The following RYR2 variants were observed in gnomAD, a reference collection of about 807,000 sequenced individuals.
The protein encoded by RYR2 is ryanodine receptor 2, also known as cardiac muscle ryanodine receptor-calcium release channel.
A neutral mutation model predicts 601.1 loss-of-function variants in RYR2; 227 were observed. The observed-to-expected ratio is 0.38, with a 90% CI of 0.34 to 0.42. RYR2 has a LOEUF of 0.42. Among genes scored for constraint, RYR2 ranks in the 10% least tolerant of loss-of-function variants. RYR2 has a pLI of 1.00. For missense variants in RYR2, 4,646 were observed against 6,156.5 expected (o/e 0.75, Z 8.21); for synonymous variants, 2,223 against 2,175.1 (o/e 1.02, Z -0.61).
At chr1:237,307,019 T>A (rs1295168315) in intron 2 of RYR2, among the ~76,000 whole-genome samples, 2 of 152,222 alleles carry the variant, frequency 1.3e-5, no homozygotes, top group African/African-American at 2.4e-5. Context: ...AAGAAAACTG[T>A]AATACCTCGA....
intron 17 of RYR2, among the ~76,000 whole-genome samples, chr1:237,491,426 G>A (rs1002028895): frequency 4.6e-5 from 7 of 152,134 alleles, no homozygotes; most frequent in Admixed American, 2.6e-4. Context: ...TATGCCCCAC[G>A]TTCAAGACTT....
At chr1:237,258,001 T>C (rs751377431) in intron 1 of RYR2, among the ~76,000 whole-genome samples, 10 of 151,390 alleles carry the variant, frequency 6.6e-5, no homozygotes, top group Non-Finnish European at 1.2e-4. Flanking sequence ...CTGTCTCTAC[T>C]AAAAATACAA....
intron 84 of RYR2, among the ~76,000 whole-genome samples, chr1:237,763,602 A>C (rs1464458): frequency 6.6e-6 from 1 of 152,306 alleles, no homozygotes; most frequent in Admixed American, 6.5e-5. Context: ...AATTCAAAGT[A>C]GTTTCTGAAA....
rs35946100 is a variant in RYR2 at position 237,153,599 on chromosome 1, A to ATT, written c.48+111039_48+111040dup. 1.5e-3 allele frequency among the ~76,000 whole-genome samples: 231 copies of ATT among 149,312 alleles called. 1 individual carries two copies. In the Middle Eastern group the frequency reaches 0.017, roughly 11 times the overall value. ...AGTCTGGGGGATGTGTATGTGTAGC[A>ATT]TTTTTTTTTTGCAGGGATAGTTGTT... On this transcript the variant is annotated intron_variant, in intron 1 of 104. Transcript: ENST00000366574.
chr1:237,240,312 C>T (rs1272664989), intron 1 of RYR2, among the ~76,000 whole-genome samples: 1 of 152,064 alleles, frequency 6.6e-6, no homozygotes, highest in East Asian at 1.9e-4. Context: ...CTGAATATTC[C>T]ATAATCCCTC....
At chr1:237,146,884 G>T (rs1054237963) in intron 1 of RYR2, among the ~76,000 whole-genome samples, 2 of 152,084 alleles carry the variant, frequency 1.3e-5, no homozygotes, top group African/African-American at 4.8e-5. Flanking sequence ...TTTCTTTCTG[G>T]TTAAAAGTTA....
At chr1:237,365,633 A>G (rs1467399493) in intron 5 of RYR2, among the ~76,000 whole-genome samples, 1 of 152,192 alleles carries the variant, frequency 6.6e-6, no homozygotes, top group Non-Finnish European at 1.5e-5. Context: ...AAATAGGAAT[A>G]TTTCCTCTCT....
At chr1:237,683,012 A>G (rs555012598) in intron 62 of RYR2, among the ~76,000 whole-genome samples, 54 of 152,366 alleles carry the variant, frequency 3.5e-4, no homozygotes, top group Admixed American at 6.5e-4. Context: ...GGAGATGAGT[A>G]TAATACTTTC....
Position 237,303,248 on chromosome 1 carries a change from T to C in RYR2, c.169-27630T>C, listed in dbSNP as rs142840894. 5.1e-4 allele frequency among the ~76,000 whole-genome samples: 77 copies of C among 151,978 alleles called. No homozygotes were observed. In the East Asian group the frequency reaches 0.015, roughly 29 times the overall value. The stretch of plus-strand genomic sequence containing the variant: ...ATTAAAGTTCTAAAGGGTATATGTG[T>C]TAATAATTTATATCTATTCATATGA... On this transcript the variant is annotated intron_variant, in intron 2 of 104. Coordinates refer to ENST00000366574, the MANE Select transcript of RYR2 (RefSeq NM_001035.3).
At chr1:237,604,984 A>T (rs1490757965) in intron 35 of RYR2, among the ~76,000 whole-genome samples, 1 of 152,172 alleles carries the variant, frequency 6.6e-6, no homozygotes, top group Non-Finnish European at 1.5e-5. Flanking sequence ...GCCGAATTCT[A>T]CCAGAGGTAC....
intron 18 of RYR2, 75 bp from the exon 19 acceptor site, chr1:237,492,879 G>A: frequency 1.4e-6 from 2 of 1,424,598 alleles, no homozygotes; most frequent in South Asian, 1.3e-5. Context: ...AAGAAGGGAA[G>A]GAAGGAAGGG....
intron 10 of RYR2, among the ~76,000 whole-genome samples, chr1:237,409,553 T>G (rs1376153309): frequency 1.3e-5 from 2 of 152,266 alleles, no homozygotes; most frequent in East Asian, 3.9e-4. Flanking sequence ...ACATTCCTTT[T>G]GAAATAAAAA....
chr1:237,714,367 GAT>G (rs1689085028), intron 71 of RYR2, among the ~76,000 whole-genome samples: 1 of 152,186 alleles, frequency 6.6e-6, no homozygotes, highest in Non-Finnish European at 1.5e-5. Context: ...GAAAGAAACT[GAT>G]AGGATAGTCA....
In RYR2 at chr1:237,832,614, C is replaced by T. The variant is rs752034170; in HGVS notation, c.14871C>T (p.Cys4957=). ...RCWEFFPAGD[C]FRKQYEDQLN ...GGGAATTTTTCCCAGCAGGGGATTG[C>T]TTCCGGAAACAGTATGAAGACCAGC... The change falls in exon 105 of 105, where the codon TGC becomes TGT. Residue 4957 remains cysteine, a synonymous_variant. Transcript: ENST00000366574. 10 of 1,611,962 alleles carry T rather than the reference C, an allele frequency of 6.2e-6. No homozygotes were observed. The East Asian group carries it at 1.6e-4, about 25-fold the overall frequency.
At chr1:237,519,792 T>A (rs1666914469) in intron 24 of RYR2, among the ~76,000 whole-genome samples, 1 of 152,178 alleles carries the variant, frequency 6.6e-6, no homozygotes, top group Non-Finnish European at 1.5e-5. Flanking sequence ...AATTTTAGGA[T>A]TGTTTTTCCC....
At chr1:237,712,750 A>G (rs1688950678) in intron 71 of RYR2, among the ~76,000 whole-genome samples, 1 of 152,216 alleles carries the variant, frequency 6.6e-6, no homozygotes, top group Admixed American at 6.5e-5. Context: ...GTATCTTTCC[A>G]GATTTTTGTT....
At chr1:237,179,962 G>A (rs1324599155) in intron 1 of RYR2, among the ~76,000 whole-genome samples, 2 of 152,076 alleles carry the variant, frequency 1.3e-5, no homozygotes, top group South Asian at 2.1e-4. Flanking sequence ...AGCCGGAAGC[G>A]CAGAGCAAGG....
chr1:237,742,290 A>T lies in RYR2; in HGVS notation c.11092-6A>T, dbSNP rs397516501. The T allele has an allele frequency of 4.8e-5, 73 of 1,516,312 alleles. 1 individual carries two copies. The African/African-American group carries it at 9.2e-4, about 19-fold the overall frequency. 93.9% of individuals were successfully genotyped at this position (1,516,312 alleles called of 1,614,324 possible). On this transcript the variant is annotated splice_region_variant and splice_polypyrimidine_tract_variant and intron_variant, in intron 79 of 104. Coordinates refer to ENST00000366574, the MANE Select transcript of RYR2 (RefSeq NM_001035.3). ...GTCTCCTTTTTTTTTTTTTTTAAAT[A>T]TACAGAGTTGTCATGATGAGGAAGA...
chr1:237,193,693 C>T (rs1338076423), intron 1 of RYR2, among the ~76,000 whole-genome samples: 3 of 152,126 alleles, frequency 2.0e-5, no homozygotes, highest in African/African-American at 7.2e-5. Context: ...ATGTAACTCA[C>T]ATTTCTTATT....
Sources: allele counts gnomAD v4.1 joint callset (sites outside exome capture counted in the v4.1 genomes callset), GRCh38; gene constraint gnomAD v4.1.1; transcripts MANE v1.5; gene names NCBI Gene and HGNC (gene_info 2026-07-23, HGNC 2026-07-21).